Variants in KAZN observed in about 807,000 individuals in gnomAD.
KAZN encodes the protein kazrin, periplakin interacting protein.
Under a neutral mutation model 87.4 loss-of-function variants are expected in KAZN, and 40 were observed. The observed-to-expected ratio is 0.46, with a 90% CI of 0.36 to 0.60. The LOEUF is 0.60. KAZN is among the 20% of genes least tolerant of loss of function. KAZN has a pLI of 0.00. For missense variants in KAZN, 898 were observed against 1,073.9 expected (o/e 0.84, Z 2.29); for synonymous variants, 466 against 458.3 (o/e 1.02, Z -0.22).
At chr1:15,038,563 G>A (rs915465972) in intron 3 of KAZN, among the ~76,000 whole-genome samples, 11 of 147,190 alleles carry the variant, frequency 7.5e-5, no homozygotes, top group East Asian at 6.2e-4. Flanking sequence ...CTGTATACAG[G>A]CATGAATGTG....
Position 13,981,972 on chromosome 1 carries a change from G to A in KAZN, c.91+88216G>A, listed in dbSNP as rs575836850. Among the ~76,000 whole-genome samples, 335 of 152,320 alleles carry A rather than the reference G, an allele frequency of 2.2e-3. 2 individuals are homozygous for A. Among genetic ancestry groups the A allele is most frequent in the African/African-American group, 7.8e-3 (326 of 41,578 alleles). ...GGTCAGGGAAAGCCACTTGGCCGAA[G>A]TCACACACAGAGATGGGGGGCTGTC... On this transcript the variant is annotated intron_variant, in intron 1 of 16. Transcript: ENST00000636203.
intron 1 of KAZN, among the ~76,000 whole-genome samples, chr1:14,112,442 A>G (rs1254979257): frequency 3.9e-5 from 3 of 77,736 alleles, no homozygotes; most frequent in Admixed American, 1.2e-4. Context: ...TGGGTTGTCA[A>G]CAGTCTTGAT....
Position 14,924,177 on chromosome 1 carries a change from C to T in KAZN, c.227-36507C>T, listed in dbSNP as rs1188293532. ...CCGCGGCCGAATTCCTCGCGTGCAG[C>T]AGGCGCGGACCGCCCGGCGTCCGGC... On this transcript the variant is annotated intron_variant, in intron 1 of 14. Transcript: ENST00000376030. The T allele has an allele frequency of 8.1e-6, 8 of 982,068 alleles. No individual in the cohort carries two copies. The African/African-American group carries it at 1.2e-4, about 15-fold the overall frequency. 60.8% of individuals were successfully genotyped at this position (982,068 alleles called of 1,614,324 possible).
chr1:14,331,573 GGGT>G (rs1238673031), intron 2 of KAZN, among the ~76,000 whole-genome samples: 2 of 152,160 alleles, frequency 1.3e-5, no homozygotes, highest in Non-Finnish European at 2.9e-5. Context: ...TGTCAAAATT[GGGT>G]TAATTATAAG....
At chr1:14,369,404 CGAGAAATCTGTG>C (rs1301079690) in intron 2 of KAZN, among the ~76,000 whole-genome samples, 8 of 152,302 alleles carry the variant, frequency 5.3e-5, no homozygotes, top group Non-Finnish European at 1.0e-4. Flanking sequence ...GCAGCCTCCA[CGAGAAATCTGTG>C]GAGAAATCTG....
intron 1 of KAZN, among the ~76,000 whole-genome samples, chr1:13,912,365 A>C (rs568194267): frequency 5.9e-5 from 9 of 152,234 alleles, no homozygotes. Flanking sequence ...CACACACTTC[A>C]GATAAAAGGC....
At chr1:14,218,761 T>C (rs1647024197) in intron 2 of KAZN, among the ~76,000 whole-genome samples, 1 of 152,162 alleles carries the variant, frequency 6.6e-6, no homozygotes, top group African/African-American at 2.4e-5. Context: ...CTTTTCTATA[T>C]GAGTTTCATC....
chr1:14,232,222 AAC>A (rs1437025384), intron 2 of KAZN, among the ~76,000 whole-genome samples: 1 of 152,162 alleles, frequency 6.6e-6, no homozygotes, highest in East Asian at 1.9e-4. Context: ...AAAGCAAAGA[AAC>A]AAAGTTTTAG....
chr1:14,223,617 A>T (rs995100492), intron 2 of KAZN, among the ~76,000 whole-genome samples: 1 of 152,140 alleles, frequency 6.6e-6, no homozygotes, highest in African/African-American at 2.4e-5. Context: ...AGCTCTCCCA[A>T]ATTTCTATTG....
chr1:14,031,929 G>T (rs7527934), intron 1 of KAZN, among the ~76,000 whole-genome samples: 111,550 of 152,052 alleles, frequency 0.73, 40,973 homozygotes, highest in Admixed American at 0.83. Context: ...ACCCTTAACA[G>T]CTGCCTGAAT....
At chr1:14,419,535 G>C (rs1254446184) in intron 2 of KAZN, among the ~76,000 whole-genome samples, 1 of 152,196 alleles carries the variant, frequency 6.6e-6, no homozygotes, top group Non-Finnish European at 1.5e-5. Context: ...GAAGTGTCCG[G>C]AATTTGTGGG....
intron 1 of KAZN, among the ~76,000 whole-genome samples, chr1:14,627,892 A>G (rs1679263313): frequency 6.6e-6 from 1 of 152,188 alleles, no homozygotes. Flanking sequence ...TTCTCTGCCC[A>G]TCAGGCGTCT....
At chr1:14,660,311 G>A (rs1639073225) in intron 1 of KAZN, among the ~76,000 whole-genome samples, 1 of 152,302 alleles carries the variant, frequency 6.6e-6, no homozygotes, top group African/African-American at 2.4e-5. Context: ...CCTATAAGCT[G>A]TGCTAAACTT....
At chr1:14,212,873 A>G (rs2100459685) in intron 2 of KAZN, among the ~76,000 whole-genome samples, 1 of 152,346 alleles carries the variant, frequency 6.6e-6, no homozygotes, top group Non-Finnish European at 1.5e-5. Flanking sequence ...TATGCAATGC[A>G]AATACATGAA....
chr1:14,663,560 A>G (rs147293230), intron 1 of KAZN, among the ~76,000 whole-genome samples: 23 of 152,350 alleles, frequency 1.5e-4, no homozygotes, highest in African/African-American at 5.5e-4. Context: ...AAGGACACCA[A>G]CGTATTTCAT....
chr1:14,476,421 C>T (rs1668727249), intron 2 of KAZN, among the ~76,000 whole-genome samples: 1 of 152,156 alleles, frequency 6.6e-6, no homozygotes, highest in Non-Finnish European at 1.5e-5. Context: ...AATGGCATGT[C>T]ACAGAACAGA....
intron 2 of KAZN, among the ~76,000 whole-genome samples, chr1:14,419,986 G>C (rs144825637): frequency 3.1e-4 from 47 of 152,264 alleles, no homozygotes; most frequent in African/African-American, 1.1e-3. Context: ...TCCCGGCTCC[G>C]GCAGCCTGCT....
intron 2 of KAZN, among the ~76,000 whole-genome samples, chr1:14,535,848 A>G (rs773325362): frequency 6.6e-6 from 1 of 152,204 alleles, no homozygotes; most frequent in Non-Finnish European, 1.5e-5. Context: ...GTGGCCATAC[A>G]GAACTCAAAC....
At chr1:14,048,803 G>C (rs143596848) in intron 1 of KAZN, among the ~76,000 whole-genome samples, 1 of 152,222 alleles carries the variant, frequency 6.6e-6, no homozygotes, top group African/African-American at 2.4e-5. Flanking sequence ...GGATTGCTGG[G>C]TCAAATGGTA....
Sources: gnomAD v4.1 joint callset for allele counts (sites outside exome capture counted in the v4.1 genomes callset) on GRCh38, gnomAD v4.1.1 for gene constraint, MANE v1.5 for transcripts, NCBI Gene and HGNC (gene_info 2026-07-23, HGNC 2026-07-21) for gene names.